The following SPAG16 variants were observed in gnomAD, a reference collection of about 807,000 sequenced individuals.
The protein encoded by SPAG16 is sperm-associated antigen 16 protein.
In SPAG16, 86 loss-of-function variants were observed where a neutral mutation model predicts 80.4. The observed-to-expected ratio is 1.07, with a 90% confidence interval of 0.90 to 1.28. The LOEUF is 1.28. SPAG16 is among the 50% of genes most tolerant of loss of function. The probability of loss-of-function intolerance (pLI) is 0.00; values close to 1 mark genes in which losing one functional copy is unlikely to be tolerated. For missense variants in SPAG16, 870 were observed against 765.3 expected, an observed-to-expected ratio of 1.14 and a Z score of -1.61; for synonymous variants, 294 against 265.9, an observed-to-expected ratio of 1.11 and a Z score of -1.03.
chr2:214,140,975 G>GAGATAT (rs1326592123), intron 14 of SPAG16, among the ~76,000 whole-genome samples: 1 of 149,154 alleles, frequency 6.7e-6, no homozygotes, highest in Non-Finnish European at 1.5e-5. Flanking sequence ...GACAGAGAGA[G>GAGATAT]AGATATATAT....
chr2:213,602,389 G>A lies in SPAG16; in HGVS notation c.1070+112299G>A, dbSNP rs144427765. Among the ~76,000 whole-genome samples the A allele has an allele frequency of 8.2e-3, 1,249 of 152,156 alleles. 13 individuals carry two copies. Among genetic ancestry groups the A allele is most frequent in the African/African-American group, 0.028 (1,174 of 41,522 alleles). ...GGGCTCTCGCCTGTAATCCCAGCCC[G>A]TTGGGAGGCTGAGGCGGGCAGATCA... On this transcript the variant is annotated intron_variant, in intron 10 of 15. Transcript: ENST00000331683.
chr2:213,623,062 CATT>C (rs2061841892), intron 10 of SPAG16, among the ~76,000 whole-genome samples: 1 of 152,108 alleles, frequency 6.6e-6, no homozygotes, highest in South Asian at 2.1e-4. Flanking sequence ...CTCACGCCTC[CATT>C]TGCTAGGTGT....
At chr2:213,740,835 A>T (rs1317120158) in intron 10 of SPAG16, among the ~76,000 whole-genome samples, 1 of 152,222 alleles carries the variant, frequency 6.6e-6, no homozygotes, top group Admixed American at 6.5e-5. Context: ...ATTACTTGGA[A>T]CCCATTTCAC....
intron 14 of SPAG16, among the ~76,000 whole-genome samples, chr2:214,115,047 AATTG>A (rs1369116058): frequency 6.6e-6 from 1 of 152,194 alleles, no homozygotes; most frequent in East Asian, 1.9e-4. Context: ...ATTTTCCATT[AATTG>A]ATCTTTTCTT....
chr2:213,685,839 C>G (rs1046498056), intron 10 of SPAG16, among the ~76,000 whole-genome samples: 6 of 152,112 alleles, frequency 3.9e-5, no homozygotes, highest in Non-Finnish European at 8.8e-5. Context: ...TATGAATAAA[C>G]CACAAAAACT....
chr2:213,328,991 G>C (rs1279535666), intron 5 of SPAG16, among the ~76,000 whole-genome samples: 1 of 152,134 alleles, frequency 6.6e-6, no homozygotes, highest in African/African-American at 2.4e-5. Context: ...CCCTGCACAA[G>C]CTCTCCTTTT....
At chr2:214,360,187 A>T (rs1699093174) in intron 15 of SPAG16, among the ~76,000 whole-genome samples, 1 of 151,888 alleles carries the variant, frequency 6.6e-6, no homozygotes, top group African/African-American at 2.4e-5. Flanking sequence ...GTTTCCCTTT[A>T]ATAGCTCTCC....
intron 7 of SPAG16, among the ~76,000 whole-genome samples, chr2:213,362,962 A>G (rs979114390): frequency 1.3e-5 from 2 of 152,184 alleles, no homozygotes; most frequent in Non-Finnish European, 2.9e-5. Context: ...GAGGACAAAT[A>G]TCCAAACTAT....
At chr2:213,303,569 C>T (rs1400995868) in intron 3 of SPAG16, among the ~76,000 whole-genome samples, 1 of 151,978 alleles carries the variant, frequency 6.6e-6, no homozygotes, top group Non-Finnish European at 1.5e-5. Context: ...GCTCTAGACT[C>T]TGCCTTCGTG....
chr2:213,601,986 G>A (rs1157753062), intron 10 of SPAG16, among the ~76,000 whole-genome samples: 2 of 152,282 alleles, frequency 1.3e-5, no homozygotes, highest in African/African-American at 4.8e-5. Flanking sequence ...AGGCACACAA[G>A]CTAGATTCCT....
At chr2:213,720,364 A>G (rs952833303) in intron 10 of SPAG16, among the ~76,000 whole-genome samples, 2 of 151,920 alleles carry the variant, frequency 1.3e-5, no homozygotes, top group Admixed American at 1.3e-4. Context: ...GCAGTGGCTA[A>G]CACCTGTAAT....
chr2:213,645,007 A>C (rs1385725022), intron 10 of SPAG16, among the ~76,000 whole-genome samples: 2 of 152,226 alleles, frequency 1.3e-5, no homozygotes, highest in East Asian at 3.9e-4. Context: ...GACTAGAGTC[A>C]AAAACCTTAG....
At position 214,205,211 on chromosome 2, in the gene SPAG16, G is replaced by A. The variant is rs547372447; in HGVS notation, c.1720+55945G>A. On this transcript the variant is annotated intron_variant, in intron 15 of 15. Transcript: ENST00000331683. ...TGCACTCCAGCCTGGGCAACAGAGC[G>A]AGACTCTGCCAAAAAAAAAGAAAGA... Among the ~76,000 whole-genome samples the A allele has an allele frequency of 1.3e-3, 188 of 149,506 alleles. 1 individual carries two copies. Among genetic ancestry groups the A allele is most frequent in the South Asian group, 1.7e-3 (8 of 4,672 alleles).
At chr2:213,705,331 T>C (rs946825333) in intron 10 of SPAG16, among the ~76,000 whole-genome samples, 1 of 152,056 alleles carries the variant, frequency 6.6e-6, no homozygotes, top group Non-Finnish European at 1.5e-5. Context: ...AGTAGACTAG[T>C]TAATTGATTT....
chr2:213,472,739 AT>A (rs1405108489), intron 9 of SPAG16, among the ~76,000 whole-genome samples: 1 of 151,258 alleles, frequency 6.6e-6, no homozygotes, highest in Non-Finnish European at 1.5e-5. Flanking sequence ...CTAAAACTCC[AT>A]TAGTTACCTG....
intron 10 of SPAG16, among the ~76,000 whole-genome samples, chr2:213,611,397 C>A (rs2061435707): frequency 6.6e-6 from 1 of 152,060 alleles, no homozygotes; most frequent in South Asian, 2.1e-4. Context: ...ATTTAGGAAT[C>A]TGGATGAATA....
intron 10 of SPAG16, among the ~76,000 whole-genome samples, chr2:213,800,832 T>C (rs1002458813): frequency 6.6e-6 from 1 of 152,194 alleles, no homozygotes; most frequent in Admixed American, 6.5e-5. Context: ...CATAATACAG[T>C]AGAGTACGCT....
chr2:213,946,455 G>A (rs893542866), intron 12 of SPAG16, among the ~76,000 whole-genome samples: 1 of 152,112 alleles, frequency 6.6e-6, no homozygotes, highest in African/African-American at 2.4e-5. Context: ...AATGATTTAG[G>A]CTAACTGTAT....
At chr2:213,972,788 T>A (rs1401121682) in intron 12 of SPAG16, among the ~76,000 whole-genome samples, 1 of 152,210 alleles carries the variant, frequency 6.6e-6, no homozygotes, top group Non-Finnish European at 1.5e-5. Flanking sequence ...CTTTATATAT[T>A]CTGGATATAT....
Sources: allele counts gnomAD v4.1 joint callset (sites outside exome capture counted in the v4.1 genomes callset), GRCh38; gene constraint gnomAD v4.1.1; transcripts MANE v1.5; gene names NCBI Gene and HGNC (gene_info 2026-07-23, HGNC 2026-07-21).